The following ATG2B variants were observed in gnomAD, a reference collection of about 807,000 sequenced individuals.
ATG2B encodes autophagy-related protein 2 homolog B.
Under a neutral mutation model 241.3 loss-of-function variants are expected in ATG2B, and 121 were observed. The ratio of observed to expected loss-of-function variants is 0.50; its 90% CI spans 0.43 to 0.58. The LOEUF is 0.58. Ranked by LOEUF, ATG2B falls within the 20% of genes least tolerant of loss-of-function variation. The pLI is 0.00. For missense variants in ATG2B, 2,306 were observed against 2,491.6 expected (o/e 0.93, Z 1.59); for synonymous variants, 858 against 876.6 (o/e 0.98, Z 0.37).
rs1191481009 is a variant in ATG2B, at chr14:96,343,191, A to G, written c.672T>C (p.Ser224=). 4 of 1,609,606 alleles carry G rather than the reference A, an allele frequency of 2.5e-6. No individual in the cohort carries two copies. Among genetic ancestry groups the G allele is most frequent in the Non-Finnish European group, 3.4e-6 (4 of 1,177,342 alleles). The part of the protein sequence containing the change: ...TAFAHKLLQL[S]GVSLFWDEFS... The stretch of plus-strand genomic sequence containing the variant: ...ACTCATCCCAGAAGAGAGACACTCC[A>G]GAGAGCTGAAGTAACTTGTGAGCAA... The change falls in exon 5 of 42, where the codon TCT becomes TCC. Residue 224 remains serine, a synonymous_variant. Coordinates refer to ENST00000359933, the MANE Select transcript of ATG2B (RefSeq NM_018036.7).
At chr14:96,299,363 C>G (rs1197418290) in intron 34 of ATG2B, among the ~76,000 whole-genome samples, 1 of 152,214 alleles carries the variant, frequency 6.6e-6, no homozygotes, top group Non-Finnish European at 1.5e-5. Flanking sequence ...CATCCCATGC[C>G]TATCTGTATC....
In ATG2B at chr14:96,311,123, CCTT is replaced by C; in HGVS notation, c.4152_4154del (p.Arg1385del). ...ATCACATTGCTGACTGTACCTTAGA[CCTT>C]CTTTGAAAGGCTCCAGGCTTCATAT... is the stretch of plus-strand genomic sequence containing the variant. On this transcript the variant is annotated inframe_deletion, in exon 28 of 42. Coordinates refer to ENST00000359933, the MANE Select transcript of ATG2B (RefSeq NM_018036.7). 1 of 1,611,318 alleles carries C rather than the reference CCTT, an allele frequency of 6.2e-7. No homozygotes were observed. Among genetic ancestry groups the C allele is most frequent in the Non-Finnish European group, 8.5e-7 (1 of 1,178,508 alleles).
chr14:96,348,147 T>G lies in ATG2B; in HGVS notation c.163-806A>C, dbSNP rs568275810. 3.9e-4 allele frequency among the ~76,000 whole-genome samples: 59 copies of G among 152,360 alleles called. 1 individual carries two copies. In the Middle Eastern group the frequency reaches 0.014, roughly 35 times the overall value. ...GTACATATACACAATGGAGTACTATTCAGCCATGAAAATGAATAAGATCCT... is the reference window on the plus strand; with the variant it reads ...GTACATATACACAATGGAGTACTATGCAGCCATGAAAATGAATAAGATCCT... On this transcript the variant is annotated intron_variant, in intron 1 of 41. Transcript: ENST00000359933.
rs771921179 is a variant in ATG2B at position 96,315,487 on chromosome 14, T to A, written c.3458A>T (p.Asp1153Val). 1.9e-6 allele frequency: 3 copies of A among 1,614,102 alleles called. No individual in the cohort carries two copies. The highest frequency in any genetic ancestry group is 2.5e-6 in the Non-Finnish European group (3 of 1,179,928). Residue 1153 changes from aspartate to valine, a missense_variant, in exon 22 of 42, where the codon GAT (aspartate) becomes GTT (valine). Asp to Val is a radical substitution (Grantham distance 152, BLOSUM62 -3). Around this residue, in one of 2 missense-constraint regions of ATG2B, gnomAD observed 1,927 missense variants for 2,011.2 expected, o/e 0.96. Transcript: ENST00000359933. ...ATCTGAAGAAGTTTTACTGAGGCCA[T>A]CTTCTTCAGAGGAATAAATAGTAGG... ...LEPTIYSSEE[D>V]GLSKTSSDGV...
rs978628296 is a variant in ATG2B at position 96,281,224 on chromosome 14, A to G, written c.*4531T>C. 6.6e-6 allele frequency: 1 copy of G among 152,198 alleles called. No homozygotes were observed. Among genetic ancestry groups the G allele is most frequent in the Non-Finnish European group, 1.5e-5 (1 of 68,028 alleles). 9.4% of individuals were successfully genotyped at this position (152,198 alleles called of 1,614,324 possible). A position where few individuals can be genotyped will look rare whatever the true frequency, so the allele number is the denominator to read the frequency against. ...AGTATTTTACACAAGTTTTGGGAAC[A>G]CTTCTTGGTGAAAGACAAGTGTTTA... is the stretch of plus-strand genomic sequence containing the variant. On this transcript the variant is annotated 3_prime_UTR_variant, in exon 42 of 42. Transcript: ENST00000359933.
At chr14:96,337,482 T>C (rs187674588) in intron 6 of ATG2B, among the ~76,000 whole-genome samples, 28 of 152,310 alleles carry the variant, frequency 1.8e-4, no homozygotes, top group Non-Finnish European at 2.1e-4. Flanking sequence ...CATATGCTTT[T>C]GGTGGGAATG....
chr14:96,293,055 G>C (rs1339089907), intron 36 of ATG2B: 1 of 152,110 alleles, frequency 6.6e-6, no homozygotes, highest in African/African-American at 2.4e-5. Flanking sequence ...TAGAATTCCA[G>C]ATATAGAGGG....
chr14:96,344,816 CAAAG>C, intron 3 of ATG2B, 60 bp from the exon 4 acceptor site: 1 of 696,398 alleles, frequency 1.4e-6, no homozygotes, highest in Non-Finnish European at 2.3e-6. Context: ...TAAAAACCTC[CAAAG>C]AAATAAATAA....
chr14:96,340,886 C>T (rs111554515), intron 6 of ATG2B, among the ~76,000 whole-genome samples: 1,578 of 149,664 alleles, frequency 0.011, 28 homozygotes, highest in African/African-American at 0.037. Flanking sequence ...TCACTGCACC[C>T]CTGCACCCCT....
chr14:96,344,511 T>C (rs1339080860), intron 4 of ATG2B, 143 bp downstream of exon 4: 2 of 459,078 alleles, frequency 4.4e-6, no homozygotes, highest in Admixed American at 4.0e-5. Context: ...ATAATAAAAT[T>C]AGCAAATAAC....
intron 6 of ATG2B, among the ~76,000 whole-genome samples, chr14:96,338,319 T>C (rs944825371): frequency 2.0e-5 from 3 of 152,188 alleles, no homozygotes; most frequent in Non-Finnish European, 4.4e-5. Flanking sequence ...CTTCCAGTAC[T>C]ATGTTGAATA....
intron 29 of ATG2B, among the ~76,000 whole-genome samples, chr14:96,308,229 T>TAC (rs1566719555): frequency 2.0e-5 from 1 of 50,970 alleles, no homozygotes; most frequent in Admixed American, 2.6e-4. Context: ...AATATATATA[T>TAC]ACATATATAT....
intron 1 of ATG2B, 47 bp from the exon 2 acceptor site, chr14:96,347,388 C>T: frequency 6.8e-7 from 1 of 1,470,242 alleles, no homozygotes; most frequent in Non-Finnish European, 9.2e-7. Context: ...AACAAGAACA[C>T]AAAGTTGTGA....
chr14:96,333,141 A>G (rs1209230376), intron 8 of ATG2B, among the ~76,000 whole-genome samples: 1 of 152,096 alleles, frequency 6.6e-6, no homozygotes, highest in Non-Finnish European at 1.5e-5. Context: ...TTTTTTGAGT[A>G]GGGTTTGATT....
chr14:96,338,880 T>C (rs1022176392), intron 6 of ATG2B, among the ~76,000 whole-genome samples: 5 of 152,050 alleles, frequency 3.3e-5, no homozygotes, highest in Non-Finnish European at 7.4e-5. Context: ...TTGTAAACTA[T>C]GCATCCAGCA....
At chr14:96,297,178 G>A (rs1886666286) in intron 34 of ATG2B, among the ~76,000 whole-genome samples, 1 of 150,618 alleles carries the variant, frequency 6.6e-6, no homozygotes, top group Non-Finnish European at 1.5e-5. Context: ...CAGTTTAACA[G>A]CATATAAAAT....
rs1595311287 is a variant in ATG2B, at chr14:96,322,789, C to CT, written c.2541-55dup. On this transcript the variant is annotated intron_variant, in intron 16 of 41. Coordinates refer to ENST00000359933, the MANE Select transcript of ATG2B (RefSeq NM_018036.7). ...CAAGATCTAAGTGTAAACAGCAAAA[C>CT]TTTAACTTTTGTGCAAATTAATACA... The CT allele has an allele frequency of 4.0e-5, 59 of 1,490,398 alleles. No homozygotes were observed. The East Asian group carries it at 1.3e-3, about 32-fold the overall frequency. The allele number at this position is 1,490,398 out of a possible 1,614,324, so 92.3% of individuals were successfully genotyped here.
rs3818775 is a variant in ATG2B, at chr14:96,289,415, G to T, written c.6006+241C>A. 2,648 of 399,130 alleles carry T rather than the reference G, an allele frequency of 6.6e-3. 86 individuals are homozygous for T. The highest frequency in any genetic ancestry group is 0.063 in the South Asian group (1,577 of 25,184). 24.7% of individuals were successfully genotyped at this position (399,130 alleles called of 1,614,324 possible). Reference sequence around the variant, plus strand: ...TTTCTATCACTCCCTGAGTGCTTCTGCAGGTGAAGAGAGAGAATCCATCCA... The same window carrying T: ...TTTCTATCACTCCCTGAGTGCTTCTTCAGGTGAAGAGAGAGAATCCATCCA... On this transcript the variant is annotated intron_variant, in intron 41 of 41. Coordinates refer to ENST00000359933, the MANE Select transcript of ATG2B (RefSeq NM_018036.7). The surrounding 1 kb of genome is among the most constrained non-coding windows in gnomAD (Gnocchi z 4.3).
chr14:96,306,729 T>A lies in ATG2B; in HGVS notation c.4491A>T (p.Pro1497=). The change falls in exon 30 of 42, where the codon CCA becomes CCT. Residue 1497 remains proline, a synonymous_variant. Coordinates refer to ENST00000359933, the MANE Select transcript of ATG2B (RefSeq NM_018036.7). ...ENDDFCILFA[P]KAAMQEKEEE... ...AATTTATTACCTGCATGGCTGCTTT[T>A]GGTGCAAAAAGAATGCAAAAGTCAT... 1 of 1,613,682 alleles carries A rather than the reference T, an allele frequency of 6.2e-7. No homozygotes were observed. Among genetic ancestry groups the A allele is most frequent in the South Asian group, 1.1e-5 (1 of 90,992 alleles).
Sources: gnomAD v4.1 joint callset for allele counts (sites outside exome capture counted in the v4.1 genomes callset) on GRCh38, gnomAD v4.1.1 for gene constraint, gnomAD v4.1.1 regional missense constraint, Gnocchi (gnomAD v3.1) non-coding constraint, MANE v1.5 for transcripts, NCBI Gene and HGNC (gene_info 2026-07-23, HGNC 2026-07-21) for gene names.